Variants in SVOP observed in about 807,000 individuals in gnomAD.
The protein encoded by SVOP is SV2 related protein.
A neutral mutation model predicts 69.1 loss-of-function variants in SVOP; 17 were observed. The ratio of observed to expected loss-of-function variants is 0.25; its 90% CI spans 0.17 to 0.37. The LOEUF (loss-of-function observed/expected upper bound fraction) is 0.37, where lower values mean the gene tolerates loss of function less well. SVOP is among the 10% of genes least tolerant of loss of function. The pLI, the probability that SVOP is intolerant of heterozygous loss-of-function variation, is 1.00. For missense variants in SVOP, 435 were observed against 597.5 expected (o/e 0.73, Z 2.84); for synonymous variants, 238 against 238.6 (o/e 1.00, Z 0.02).
chr12:109,016,696 C>T (rs1412687065), intron 1 of SVOP, among the ~76,000 whole-genome samples: 1 of 151,966 alleles, frequency 6.6e-6, no homozygotes, highest in Non-Finnish European at 1.5e-5. Flanking sequence ...TCCCTGATAC[C>T]CACCTCCCAT....
In SVOP at chr12:109,016,066, A is replaced by T. The variant is rs2040366238; in HGVS notation, c.35+4768T>A. Among the ~76,000 whole-genome samples the T allele has an allele frequency of 2.0e-5, 3 of 152,204 alleles. No individual in the cohort carries two copies. The South Asian group carries it at 6.2e-4, about 32-fold the overall frequency. ...TGGAAGATCAGGGAAACGAATGCTGAGTGGAGGAAAACAATACCAGCACCA... is the reference window on the plus strand; with the variant it reads ...TGGAAGATCAGGGAAACGAATGCTGTGTGGAGGAAAACAATACCAGCACCA... On this transcript the variant is annotated intron_variant, in intron 1 of 15. Transcript: ENST00000610966.
intron 5 of SVOP, among the ~76,000 whole-genome samples, chr12:108,963,085 A>G (rs979309844): frequency 3.3e-5 from 5 of 152,360 alleles, no homozygotes; most frequent in African/African-American, 1.2e-4. Flanking sequence ...ATCACAATCA[A>G]TGCCAAATAT....
Position 109,000,580 on chromosome 12 carries a change from G to A in SVOP, c.36-16819C>T, listed in dbSNP as rs1167015140. 1.8e-4 allele frequency among the ~76,000 whole-genome samples: 7 copies of A among 39,252 alleles called. No individual in the cohort carries two copies. In the East Asian group the frequency reaches 2.0e-3, roughly 11 times the overall value. The allele number at this position is 39,252 out of a possible 152,430, so 25.8% of individuals were successfully genotyped here. Reference sequence around the variant, plus strand: ...ATCCTCAATAAAATACTGGCAAAACGAATCCAGCAGCACATCAAAAAGCTT... The same window carrying A: ...ATCCTCAATAAAATACTGGCAAAACAAATCCAGCAGCACATCAAAAAGCTT... On this transcript the variant is annotated intron_variant, in intron 1 of 15. Transcript: ENST00000610966.
intron 6 of SVOP, among the ~76,000 whole-genome samples, chr12:108,958,854 C>T (rs1019143080): frequency 6.6e-6 from 1 of 152,102 alleles, no homozygotes; most frequent in Non-Finnish European, 1.5e-5. Context: ...CAATCTGAAA[C>T]ACCTCTGAAG....
intron 2 of SVOP, among the ~76,000 whole-genome samples, 179 bp downstream of exon 2, chr12:108,983,422 G>A (rs2040152745): frequency 6.6e-6 from 1 of 152,216 alleles, no homozygotes; most frequent in East Asian, 1.9e-4. Context: ...GGCAGGGATT[G>A]TGATGTAACC....
chr12:108,965,935 CTTCCTTCT>C (rs1168878404), intron 5 of SVOP, among the ~76,000 whole-genome samples: 2 of 151,460 alleles, frequency 1.3e-5, no homozygotes, highest in South Asian at 2.1e-4. Context: ...CCCTTCCTTC[CTTCCTTCT>C]TTCCTTCTTT....
rs1247559181 is a variant in SVOP, at chr12:108,938,963, G to C, written c.769-8C>G. 2 of 1,613,824 alleles carry C rather than the reference G, an allele frequency of 1.2e-6. No homozygotes were observed. Among genetic ancestry groups the C allele is most frequent in the Non-Finnish European group, 1.7e-6 (2 of 1,179,796 alleles). The stretch of plus-strand genomic sequence containing the variant: ...TGCACTTTCAGGCAGCCACTGGGAT[G>C]GGGGAGACAGGAAACCCAGGCGTGG... On this transcript the variant is annotated splice_polypyrimidine_tract_variant and splice_region_variant and intron_variant, in intron 8 of 15. Coordinates refer to ENST00000610966, the MANE Select transcript of SVOP (RefSeq NM_018711.5).
At chr12:108,918,188 A>G in intron 13 of SVOP, 64 bp from the exon 14 acceptor site, 2 of 1,374,148 alleles carry the variant, frequency 1.5e-6, no homozygotes, top group Middle Eastern at 1.8e-4. Context: ...GCATAGTCCT[A>G]TCTTCCCAGG....
intron 8 of SVOP, among the ~76,000 whole-genome samples, chr12:108,939,203 G>T (rs2039874479): frequency 6.6e-6 from 1 of 152,186 alleles, no homozygotes; most frequent in Non-Finnish European, 1.5e-5. Context: ...ACCTCTTAGG[G>T]CTCTTAAGAG....
chr12:108,999,416 C>T (rs1297494242), intron 1 of SVOP, among the ~76,000 whole-genome samples: 1 of 148,030 alleles, frequency 6.8e-6, no homozygotes, highest in African/African-American at 2.5e-5. Flanking sequence ...GACAGAAAGT[C>T]AACAAGGATA....
At chr12:108,993,879 C>T (rs940340570) in intron 1 of SVOP, among the ~76,000 whole-genome samples, 3 of 152,154 alleles carry the variant, frequency 2.0e-5, no homozygotes, top group African/African-American at 4.8e-5. Context: ...TGAACGTTTG[C>T]GTGCATTCTC....
chr12:108,956,646 T>C (rs138060271), intron 6 of SVOP, among the ~76,000 whole-genome samples: 6,881 of 152,268 alleles, frequency 0.045, 569 homozygotes, highest in African/African-American at 0.16. Flanking sequence ...TATTGGTTTA[T>C]CTTTCCTGCC....
At chr12:108,985,125 G>A (rs1009222249) in intron 1 of SVOP, among the ~76,000 whole-genome samples, 2 of 151,998 alleles carry the variant, frequency 1.3e-5, no homozygotes, top group Non-Finnish European at 2.9e-5. Context: ...TACTTGGGAG[G>A]CTGAGGTGGG....
intron 6 of SVOP, among the ~76,000 whole-genome samples, chr12:108,956,977 C>T (rs527239308): frequency 6.6e-6 from 1 of 152,204 alleles, no homozygotes; most frequent in Admixed American, 6.5e-5. Flanking sequence ...TGCTTCATTC[C>T]CAGGAGAAAA....
rs965053949 is a variant in SVOP at position 108,909,360 on chromosome 12, A to G, written c.*3175T>C. The G allele has an allele frequency of 6.6e-6, 1 of 152,088 alleles. No homozygotes were observed. The highest frequency in any genetic ancestry group is 1.5e-5 in the Non-Finnish European group (1 of 68,024). The allele number at this position is 152,088 out of a possible 1,614,324, so 9.4% of individuals were successfully genotyped here. On this transcript the variant is annotated 3_prime_UTR_variant, in exon 16 of 16. Transcript: ENST00000610966. Reference sequence around the variant, plus strand: ...GTGAAACCTTGTCTATACTAAAAATACAAAAATTAGCCAAGCATCAAGGCG... The same window carrying G: ...GTGAAACCTTGTCTATACTAAAAATGCAAAAATTAGCCAAGCATCAAGGCG...
intron 6 of SVOP, among the ~76,000 whole-genome samples, chr12:108,955,604 A>C (rs1374925911): frequency 6.6e-6 from 1 of 152,216 alleles, no homozygotes; most frequent in Non-Finnish European, 1.5e-5. Context: ...CCCAAGTGGC[A>C]GGAGGAGGCT....
In SVOP at chr12:108,928,670, G is replaced by A. The variant is rs75438617; in HGVS notation, c.1048+5525C>T. ...CAAGCTCCGCTTCTCAGGCTCAAGC[G>A]ATCCTCCCAGTTCAGCCTCCCAAGT... On this transcript the variant is annotated intron_variant, in intron 11 of 15. Coordinates refer to ENST00000610966, the MANE Select transcript of SVOP (RefSeq NM_018711.5). Among the ~76,000 whole-genome samples, 1,183 of 151,426 alleles carry A rather than the reference G, an allele frequency of 7.8e-3. 16 individuals carry two copies. Among genetic ancestry groups the A allele is most frequent in the African/African-American group, 0.027 (1,132 of 41,222 alleles).
At chr12:108,998,952 C>T (rs1200384159) in intron 1 of SVOP, among the ~76,000 whole-genome samples, 6 of 148,958 alleles carry the variant, frequency 4.0e-5, no homozygotes, top group Admixed American at 2.0e-4. Flanking sequence ...ATCAAATTCA[C>T]ACATAACAAT....
chr12:109,015,338 C>T (rs914026969), intron 1 of SVOP, among the ~76,000 whole-genome samples: 2 of 152,066 alleles, frequency 1.3e-5, no homozygotes, highest in African/African-American at 4.8e-5. Context: ...ATCCCTCTGG[C>T]CACTGGGTTG....
Sources: gnomAD v4.1 joint callset for allele counts (sites outside exome capture counted in the v4.1 genomes callset) on GRCh38, gnomAD v4.1.1 for gene constraint, MANE v1.5 for transcripts, NCBI Gene and HGNC (gene_info 2026-07-23, HGNC 2026-07-21) for gene names.